The following AGBL3 variants were observed in gnomAD, a reference collection of about 807,000 sequenced individuals.
AGBL3 encodes AGBL carboxypeptidase 3, also known as cytosolic carboxypeptidase 3.
AGBL3 carries 68 observed loss-of-function variants against 94.5 expected under a neutral mutation model. That is an observed-to-expected ratio of 0.72 (90% CI 0.59 to 0.88). The LOEUF (loss-of-function observed/expected upper bound fraction) is 0.88, where lower values mean the gene tolerates loss of function less well. Among genes scored for constraint, AGBL3 ranks in the 40% least tolerant of loss-of-function variants. The pLI, the probability that AGBL3 is intolerant of heterozygous loss-of-function variation, is 0.00. For missense variants in AGBL3, 934 were observed against 1,103.8 expected (o/e 0.85, Z 2.18); for synonymous variants, 354 against 370.7 (o/e 0.95, Z 0.52).
intron 15 of AGBL3, among the ~76,000 whole-genome samples, chr7:135,084,409 C>CTA (rs1405422164): frequency 2.0e-5 from 3 of 152,094 alleles, no homozygotes; most frequent in Admixed American, 2.0e-4. Flanking sequence ...TATACTCACC[C>CTA]TATAGTTCTA....
intron 4 of AGBL3, among the ~76,000 whole-genome samples, chr7:135,004,111 G>T (rs1327229427): frequency 6.6e-6 from 1 of 151,592 alleles, no homozygotes; most frequent in Non-Finnish European, 1.5e-5. Flanking sequence ...TTACCAATTT[G>T]TTCTTATATT....
chr7:135,050,143 C>A (rs1463815831), intron 11 of AGBL3, among the ~76,000 whole-genome samples: 1 of 151,698 alleles, frequency 6.6e-6, no homozygotes, highest in Non-Finnish European at 1.5e-5. Flanking sequence ...TTTATTTCTA[C>A]TTTGACCCAA....
chr7:135,082,298 A>T (rs1420673061), intron 15 of AGBL3, among the ~76,000 whole-genome samples: 2 of 152,154 alleles, frequency 1.3e-5, no homozygotes, highest in African/African-American at 4.8e-5. Context: ...CATTTTCCCC[A>T]ATTCTCCTTG....
chr7:135,091,672 A>G (rs571843861), intron 15 of AGBL3, among the ~76,000 whole-genome samples: 1 of 152,286 alleles, frequency 6.6e-6, no homozygotes, highest in South Asian at 2.1e-4. Context: ...GACATGAAAG[A>G]CTTCCAGTGA....
chr7:135,063,278 GTTTCTTTT>G (rs1818997605), intron 12 of AGBL3, among the ~76,000 whole-genome samples: 2 of 151,586 alleles, frequency 1.3e-5, no homozygotes, highest in Non-Finnish European at 3.0e-5. Context: ...TGTCCATTTT[GTTTCTTTT>G]TTTAAAAACA....
rs115367435 is a variant in AGBL3 at position 135,057,856 on chromosome 7, A to C, written c.1842-1313A>C. On this transcript the variant is annotated intron_variant, in intron 11 of 16. Coordinates refer to ENST00000436302, the MANE Select transcript of AGBL3 (RefSeq NM_178563.4). ...ACTTTAATTTATATTACTAAGTGGAAAATGTAAGTCTGAAAAGGCCACATA... is the reference window on the plus strand; with the variant it reads ...ACTTTAATTTATATTACTAAGTGGACAATGTAAGTCTGAAAAGGCCACATA... 5.2e-3 allele frequency among the ~76,000 whole-genome samples: 793 copies of C among 152,310 alleles called. 6 individuals are homozygous for C. The highest frequency in any genetic ancestry group is 0.018 in the African/African-American group (761 of 41,578).
intron 16 of AGBL3, among the ~76,000 whole-genome samples, chr7:135,120,678 C>T (rs1190652134): frequency 2.0e-5 from 3 of 152,102 alleles, no homozygotes; most frequent in African/African-American, 4.8e-5. Context: ...CATTACCCAA[C>T]AATATGCAGT....
At chr7:135,028,117 A>G (rs551363400) in intron 5 of AGBL3, among the ~76,000 whole-genome samples, 40 of 151,752 alleles carry the variant, frequency 2.6e-4, no homozygotes, top group African/African-American at 9.4e-4. Flanking sequence ...AGCAATTCAT[A>G]TTCTTTTTGC....
rs375070198 is a variant in AGBL3, at chr7:135,072,688, C to A, written c.1909-3709C>A. On this transcript the variant is annotated intron_variant, in intron 12 of 16. Transcript: ENST00000436302. Reference sequence around the variant, plus strand: ...GACAAAAAACCAAACACCGCATGTTCTCACTCATAGGTGGGAATTGAACAA... The same window carrying A: ...GACAAAAAACCAAACACCGCATGTTATCACTCATAGGTGGGAATTGAACAA... 2.7e-5 allele frequency among the ~76,000 whole-genome samples: 4 copies of A among 149,394 alleles called. No individual in the cohort carries two copies. The East Asian group carries it at 6.0e-4, about 22-fold the overall frequency.
chr7:135,117,141 G>A (rs56392411), intron 16 of AGBL3, among the ~76,000 whole-genome samples: 4,700 of 152,260 alleles, frequency 0.031, 240 homozygotes, highest in African/African-American at 0.11. Flanking sequence ...TCATGGAAGT[G>A]AAAAATATCT....
At chr7:134,993,719 C>G in intron 4 of AGBL3, 41 bp downstream of exon 4, 1 of 1,405,620 alleles carries the variant, frequency 7.1e-7, no homozygotes, top group Non-Finnish European at 9.4e-7. Flanking sequence ...CATTAGCAAA[C>G]TTACTTTGCC....
Position 135,032,871 on chromosome 7 carries a change from C to G in AGBL3, c.446C>G (p.Ser149Cys), listed in dbSNP as rs1815915465. The G allele has an allele frequency of 5.8e-6, 9 of 1,550,022 alleles. No individual in the cohort carries two copies. The highest frequency in any genetic ancestry group is 7.9e-6 in the Non-Finnish European group (9 of 1,146,416). ...DAYKEPCFVYSRVGGNRTPLK... is the reference protein window; with the variant it reads ...DAYKEPCFVYCRVGGNRTPLK... ...TACAAAGAGCCCTGTTTTGTGTATT[C>G]CCGAGTTGGGGGTAACCGAACACCT... is the stretch of plus-strand genomic sequence containing the variant. The change falls in exon 6 of 17, where the codon TCC (serine) becomes TGC (cysteine). Residue 149 changes from serine (S) to cysteine (C), a missense_variant. Ser to Cys is a moderately radical substitution (Grantham distance 112, BLOSUM62 -1). Around this residue, in one of 3 missense-constraint regions of AGBL3, gnomAD observed 488 missense variants for 563.6 expected, o/e 0.87. Transcript: ENST00000436302.
At chr7:135,036,220 C>A (rs1467858121) in intron 7 of AGBL3, among the ~76,000 whole-genome samples, 4 of 152,036 alleles carry the variant, frequency 2.6e-5, no homozygotes, top group African/African-American at 9.7e-5. Flanking sequence ...CACCTTAACA[C>A]CACGCTTTCT....
intron 15 of AGBL3, among the ~76,000 whole-genome samples, chr7:135,098,258 T>C (rs1432572292): frequency 6.6e-5 from 10 of 152,168 alleles, no homozygotes; most frequent in Admixed American, 5.9e-4. Flanking sequence ...CTCCTACAGA[T>C]ACCAAAATCT....
chr7:135,058,811 C>T (rs4732086), intron 11 of AGBL3, among the ~76,000 whole-genome samples: 7,733 of 152,182 alleles, frequency 0.051, 280 homozygotes, highest in Middle Eastern at 0.17. Context: ...GGCTGGAGTG[C>T]AATGGCACGA....
chr7:135,048,079 A>G (rs1817539959), intron 11 of AGBL3, among the ~76,000 whole-genome samples: 1 of 151,812 alleles, frequency 6.6e-6, no homozygotes, highest in Non-Finnish European at 1.5e-5. Context: ...GTGGATAGCC[A>G]GTTTCCCACC....
chr7:135,044,312 G>A (rs1336933172), intron 9 of AGBL3, among the ~76,000 whole-genome samples, 161 bp downstream of exon 9: 1 of 151,872 alleles, frequency 6.6e-6, no homozygotes, highest in East Asian at 1.9e-4. Flanking sequence ...CTCAAAATAT[G>A]GTATCTCTAT....
chr7:135,104,946 T>C (rs1282593998), intron 15 of AGBL3, among the ~76,000 whole-genome samples: 1 of 152,130 alleles, frequency 6.6e-6, no homozygotes, highest in African/African-American at 2.4e-5. Context: ...CATTTGTCAA[T>C]TTTTGCTTTT....
chr7:134,999,196 C>T (rs1811395383), intron 4 of AGBL3, among the ~76,000 whole-genome samples: 2 of 152,312 alleles, frequency 1.3e-5, no homozygotes, highest in South Asian at 2.1e-4. Flanking sequence ...TCTTCTGTTT[C>T]AGTCCTTTTA....
Sources: gnomAD v4.1 joint callset for allele counts (sites outside exome capture counted in the v4.1 genomes callset) on GRCh38, gnomAD v4.1.1 for gene constraint, gnomAD v4.1.1 regional missense constraint, MANE v1.5 for transcripts, NCBI Gene and HGNC (gene_info 2026-07-23, HGNC 2026-07-21) for gene names.